DNAJA4: variants seen among roughly 807,000 people sequenced by gnomAD.
The protein encoded by DNAJA4 is DnaJ heat shock protein family (Hsp40) member A4.
A neutral mutation model predicts 39.7 loss-of-function variants in DNAJA4; 32 were observed. The ratio of observed to expected loss-of-function variants is 0.81; its 90% confidence interval spans 0.61 to 1.08. The LOEUF is 1.08. Among genes scored for constraint, DNAJA4 ranks in the 50% least tolerant of loss-of-function variants. The pLI is 0.00. For missense variants in DNAJA4, 439 were observed against 505.1 expected (o/e 0.87, Z 1.25); for synonymous variants, 184 against 182.4 (o/e 1.01, Z -0.07).
chr15:78,276,789 A>G (rs1368130899), intron 5 of DNAJA4, among the ~76,000 whole-genome samples: 1 of 152,234 alleles, frequency 6.6e-6, no homozygotes, highest in East Asian at 1.9e-4. Context: ...GTAACCACCA[A>G]TAAGCCTGCC....
chr15:78,275,856 C>A, intron 5 of DNAJA4, 128 bp downstream of exon 5: 2 of 674,400 alleles, frequency 3.0e-6, no homozygotes, highest in Non-Finnish European at 4.9e-6. Context: ...GATACTTTGT[C>A]CCTTGCATAA....
rs573284331 is a variant in DNAJA4, at chr15:78,275,942, C to T, written c.877+214C>T. 3.9e-4 allele frequency among the ~76,000 whole-genome samples: 60 copies of T among 152,210 alleles called. 4 individuals are homozygous for T. The South Asian group carries it at 0.012, about 29-fold the overall frequency. Reference sequence around the variant, plus strand: ...TTATTTCTTTGTGTTGGGAATAGTTCCCCTGATTTCACATTTAAGGTCAAA... The same window carrying T: ...TTATTTCTTTGTGTTGGGAATAGTTTCCCTGATTTCACATTTAAGGTCAAA... On this transcript the variant is annotated intron_variant, in intron 5 of 6. Coordinates refer to ENST00000394852, the MANE Select transcript of DNAJA4 (RefSeq NM_001130182.2).
At position 78,280,067 on chromosome 15, in the gene DNAJA4, C is replaced by T. The variant is rs755023406; in HGVS notation, c.900C>T (p.Asp300=). 23 of 1,614,048 alleles carry T rather than the reference C, an allele frequency of 1.4e-5. No homozygotes were observed. In the Middle Eastern group the frequency reaches 4.9e-4, roughly 35 times the overall value. The change falls in exon 6 of 7, where the codon GAC becomes GAT. Residue 300 remains aspartate (D), a synonymous_variant. Transcript: ENST00000394852. ...SKAGEVIKHG[D]LRCVRDEGMP... ...CAGGTGAGGTGATAAAGCACGGGGA[C>T]CTGAGATGCGTGCGCGATGAAGGAA... is the stretch of plus-strand genomic sequence containing the variant.
chr15:78,275,707 C>CTTGT lies in DNAJA4; in HGVS notation c.858_861dup (p.Ile288CysfsTer8). 1.9e-6 allele frequency: 3 copies of CTTGT among 1,609,870 alleles called. No homozygotes were observed. Among genetic ancestry groups the CTTGT allele is most frequent in the Non-Finnish European group, 2.5e-6 (3 of 1,177,272 alleles). ...GATAAAAACATTGGACAATCGAATTCTTGTTATTACATCCAAAGCAGGTAA... is the reference window on the plus strand; with the variant it reads ...GATAAAAACATTGGACAATCGAATTCTTGTTTGTTATTACATCCAAAGCAGGTAA... On this transcript the variant is annotated frameshift_variant, in exon 5 of 7. Coordinates refer to ENST00000394852, the MANE Select transcript of DNAJA4 (RefSeq NM_001130182.2). LOFTEE classifies it high-confidence loss of function.
intron 3 of DNAJA4, among the ~76,000 whole-genome samples, chr15:78,273,777 C>T (rs1333506286): frequency 6.6e-6 from 1 of 152,198 alleles, no homozygotes; most frequent in African/African-American, 2.4e-5. Flanking sequence ...TCAAGAAAAG[C>T]CATGTCTGGT....
intron 1 of DNAJA4, among the ~76,000 whole-genome samples, chr15:78,268,684 A>G (rs970072985): frequency 2.0e-5 from 3 of 152,008 alleles, no homozygotes; most frequent in African/African-American, 7.3e-5. Flanking sequence ...TACCTCATTT[A>G]TTTATTTCTG....
intron 1 of DNAJA4, among the ~76,000 whole-genome samples, chr15:78,268,641 G>A (rs761061650): frequency 2.6e-5 from 4 of 151,952 alleles, no homozygotes; most frequent in Middle Eastern, 3.2e-3. Context: ...TTGTCTCTCC[G>A]ACTAAACTGT....
chr15:78,276,960 G>T (rs1329996511), intron 5 of DNAJA4, among the ~76,000 whole-genome samples: 2 of 152,054 alleles, frequency 1.3e-5, no homozygotes, highest in Non-Finnish European at 2.9e-5. Flanking sequence ...ATTCTTTCAG[G>T]TTCCTCCTTT....
Position 78,274,375 on chromosome 15 carries a change from G to C in DNAJA4, c.597G>C (p.Gly199=). The C allele has an allele frequency of 5.6e-6, 9 of 1,614,216 alleles. No homozygotes were observed. Among genetic ancestry groups the C allele is most frequent in the Non-Finnish European group, 6.8e-6 (8 of 1,180,042 alleles). Residue 199 remains glycine (G), a synonymous_variant, in exon 4 of 7, where the codon GGG becomes GGC. Transcript: ENST00000394852. The part of the protein sequence containing the change: ...NPKDRCESCS[G]AKVIREKKII... The stretch of plus-strand genomic sequence containing the variant: ...AGGACCGCTGCGAGAGCTGCAGCGG[G>C]GCCAAGGTGATCCGTGAGAAGAAGA...
chr15:78,269,402 T>C (rs780024926), intron 1 of DNAJA4, among the ~76,000 whole-genome samples: 5 of 152,214 alleles, frequency 3.3e-5, no homozygotes, highest in South Asian at 2.1e-4. Context: ...ATTTTAAAAA[T>C]GTCCATATAC....
At position 78,274,189 on chromosome 15, in the gene DNAJA4, C is replaced by G; in HGVS notation, c.419-8C>G. On this transcript the variant is annotated splice_polypyrimidine_tract_variant and splice_region_variant and intron_variant, in intron 3 of 6. Transcript: ENST00000394852. ...TGGCCCTCATTCCTGCCTCCCCTGA[C>G]CCTGCAGGTGTTGGTGGGAAGAAGG... 6.2e-7 allele frequency: 1 copy of G among 1,612,092 alleles called. No homozygotes were observed. Among genetic ancestry groups the G allele is most frequent in the Non-Finnish European group, 8.5e-7 (1 of 1,178,690 alleles).
In DNAJA4 at chr15:78,265,677, A is replaced by G. The variant is rs1319540720; in HGVS notation, c.132+782A>G. 1.1e-5 allele frequency: 8 copies of G among 701,842 alleles called. No homozygotes were observed. The East Asian group carries it at 2.1e-4, about 19-fold the overall frequency. The allele number at this position is 701,842 out of a possible 1,614,324, so 43.5% of individuals were successfully genotyped here. A position where few individuals can be genotyped will look rare whatever the true frequency, so the allele number is the denominator to read the frequency against. ...TCTAAAGAGGCTCATGACCCACCTG[A>G]ATAGGTGAATTGAAGGATGAGGCAT... On this transcript the variant is annotated intron_variant, in intron 1 of 6. Transcript: ENST00000394852.
At chr15:78,267,274 A>G (rs975135150) in intron 1 of DNAJA4, among the ~76,000 whole-genome samples, 1 of 151,884 alleles carries the variant, frequency 6.6e-6, no homozygotes, top group East Asian at 1.9e-4. Flanking sequence ...TTTTCCTCCT[A>G]AGTTCGTCAC....
chr15:78,267,137 TGTGA>T (rs1226947646), intron 1 of DNAJA4, among the ~76,000 whole-genome samples: 7 of 104,522 alleles, frequency 6.7e-5, no homozygotes, highest in East Asian at 3.7e-4. Flanking sequence ...TGAGTGTGTA[TGTGA>T]GTGTGTGTGT....
chr15:78,274,341 T>A lies in DNAJA4; in HGVS notation c.563T>A (p.Ile188Asn), dbSNP rs956841575. The A allele has an allele frequency of 5.6e-6, 9 of 1,614,006 alleles. No individual in the cohort carries two copies. The highest frequency in any genetic ancestry group is 7.6e-6 in the Non-Finnish European group (9 of 1,180,030). The change falls in exon 4 of 7, where the codon ATC becomes AAC. Residue 188 changes from isoleucine to asparagine, a missense_variant. Ile to Asn is a moderately radical substitution (Grantham distance 149, BLOSUM62 -3). Coordinates refer to ENST00000394852, the MANE Select transcript of DNAJA4 (RefSeq NM_001130182.2). ...GAGTGCAAGGGCCAGGGTGAGCGCA[T>A]CAACCCCAAGGACCGCTGCGAGAGC... ...CIECKGQGERINPKDRCESCS... is the reference protein window; with the variant it reads ...CIECKGQGERNNPKDRCESCS...
intron 1 of DNAJA4, chr15:78,266,146 C>A: frequency 7.4e-7 from 1 of 1,356,894 alleles, no homozygotes; most frequent in Non-Finnish European, 1.0e-6. Flanking sequence ...GATTCATCCA[C>A]CTGCTCCCTA....
chr15:78,274,063 T>C, intron 3 of DNAJA4, 134 bp from the exon 4 acceptor site: 1 of 757,760 alleles, frequency 1.3e-6, no homozygotes. Flanking sequence ...TCTGCATTGT[T>C]TTTTATTATT....
chr15:78,273,100 A>G lies in DNAJA4; in HGVS notation c.319A>G (p.Asn107Asp), dbSNP rs1183557738. 3 of 1,583,338 alleles carry G rather than the reference A, an allele frequency of 1.9e-6. No homozygotes were observed. The highest frequency in any genetic ancestry group is 2.6e-6 in the Non-Finnish European group (3 of 1,155,194). The change falls in exon 3 of 7, where the codon AAT becomes GAT. Residue 107 changes from asparagine to aspartate, a missense_variant. Asn to Asp is a conservative substitution (Grantham distance 23). Coordinates refer to ENST00000394852, the MANE Select transcript of DNAJA4 (RefSeq NM_001130182.2). ...GRMARERRGK[N>D]VVHQLSVTLE... ...TTTTTTTCTCCCTTGCTAAGGCAAG[A>G]ATGTTGTACACCAGTTATCTGTAAC...
At position 78,279,675 on chromosome 15, in the gene DNAJA4, G is replaced by A. The variant is rs554819730; in HGVS notation, c.878-370G>A. On this transcript the variant is annotated intron_variant, in intron 5 of 6. Transcript: ENST00000394852. The surrounding 1 kb of genome is among the most constrained non-coding windows in gnomAD (Gnocchi z 4.5). ...TGTGGGGAGCACTCCTGTCCCCCTCGTGGTAGGGATACCTGTCACCCCACA... is the reference window on the plus strand; with the variant it reads ...TGTGGGGAGCACTCCTGTCCCCCTCATGGTAGGGATACCTGTCACCCCACA... The A allele has an allele frequency of 6.3e-5, 16 of 252,828 alleles. No homozygotes were observed. In the East Asian group the frequency reaches 9.1e-4, roughly 14 times the overall value. The allele number at this position is 252,828 out of a possible 1,614,324, so 15.7% of individuals were successfully genotyped here. A position where few individuals can be genotyped will look rare whatever the true frequency, so the allele number is the denominator to read the frequency against.
Sources: gnomAD v4.1 joint callset for allele counts (sites outside exome capture counted in the v4.1 genomes callset) on GRCh38, gnomAD v4.1.1 for gene constraint, Gnocchi (gnomAD v3.1) non-coding constraint, MANE v1.5 for transcripts, NCBI Gene and HGNC (gene_info 2026-07-23, HGNC 2026-07-21) for gene names.